The following C16orf96 variants were observed in gnomAD, a reference collection of about 807,000 sequenced individuals.
C16orf96 encodes the protein chromosome 16 open reading frame 96.
A neutral mutation model predicts 103.6 loss-of-function variants in C16orf96; 108 were observed. The ratio of observed to expected loss-of-function variants is 1.04; its 90% CI spans 0.89 to 1.22. The LOEUF (loss-of-function observed/expected upper bound fraction) is 1.22. C16orf96 is among the 50% of genes most tolerant of loss of function. C16orf96 has a pLI of 0.00. For missense variants in C16orf96, 1,586 were observed against 1,464.2 expected (o/e 1.08, Z -1.36); for synonymous variants, 566 against 593.5 (o/e 0.95, Z 0.67).
At position 4,600,293 on chromosome 16, in the gene C16orf96, C is replaced by T. The variant is rs1350800252; in HGVS notation, c.3402C>T (p.Pro1134=). Residue 1134 remains proline, a synonymous_variant, in exon 16 of 16, where the codon CCC becomes CCT. Coordinates refer to ENST00000444310, the MANE Select transcript of C16orf96 (RefSeq NM_001145011.2). ...PHIESRVGRK[P]PEEPANP ...TTGAGTCCCGAGTCGGCAGGAAGCC[C>T]CCCGAGGAGCCCGCCAACCCGTGAG... 5 of 1,550,266 alleles carry T rather than the reference C, an allele frequency of 3.2e-6. No individual in the cohort carries two copies. The highest frequency in any genetic ancestry group is 4.4e-6 in the Non-Finnish European group (5 of 1,146,830).
intron 1 of C16orf96, 122 bp from the exon 2 acceptor site, chr16:4,571,439 C>G: frequency 1.3e-6 from 1 of 757,180 alleles, no homozygotes; most frequent in Non-Finnish European, 2.1e-6. Context: ...AGGTTCCAGT[C>G]TAGGCCTTGG....
chr16:4,575,621 C>A lies in C16orf96; in HGVS notation c.1141C>A (p.Pro381Thr). The change falls in exon 5 of 16, where the codon CCA becomes ACA. Residue 381 changes from proline (P) to threonine (T), a missense_variant. By Grantham distance (38) the Pro-to-Thr change is conservative. Transcript: ENST00000444310. The part of the protein sequence containing the change: ...GPVPAPGAQP[P>T]PLGDWPALPR... ...TGTGCCTGCCCCAGGTGCCCAGCCT[C>A]CACCACTGGGAGACTGGCCTGCACT... 3.9e-6 allele frequency: 6 copies of A among 1,521,574 alleles called. No homozygotes were observed. The highest frequency in any genetic ancestry group is 2.1e-5 in the Admixed American group (1 of 46,612). The allele number at this position is 1,521,574 out of a possible 1,614,324, so 94.3% of individuals were successfully genotyped here.
At chr16:4,591,617 T>G (rs778927022) in intron 9 of C16orf96, 49 bp from the exon 10 acceptor site, 12 of 1,421,348 alleles carry the variant, frequency 8.4e-6, no homozygotes, top group Non-Finnish European at 1.2e-5. Context: ...GGAGGCAGGG[T>G]GTGAATTCAT....
At chr16:4,561,470 C>CA (rs2059330518) in intron 1 of C16orf96, 1 of 152,150 alleles carries the variant, frequency 6.6e-6, no homozygotes, top group South Asian at 2.1e-4. Flanking sequence ...GCAGGATGGG[C>CA]AGATACCAGG....
intron 14 of C16orf96, among the ~76,000 whole-genome samples, chr16:4,598,207 C>T (rs1394909654): frequency 6.6e-6 from 1 of 152,030 alleles, no homozygotes; most frequent in African/African-American, 2.4e-5. Flanking sequence ...CAAAAATTAG[C>T]AGGGCATAGT....
chr16:4,556,836 G>A lies in C16orf96; in HGVS notation c.347G>A (p.Arg116Gln), dbSNP rs957895330. 2.4e-5 allele frequency: 38 copies of A among 1,551,470 alleles called. No homozygotes were observed. Among genetic ancestry groups the A allele is most frequent in the Middle Eastern group, 1.7e-4 (1 of 6,014 alleles). ...QLLEASQGTARPVQDLWHLIK... is the reference protein window; with the variant it reads ...QLLEASQGTAQPVQDLWHLIK... Reference sequence around the variant, plus strand: ...CTGGAAGCCAGCCAGGGCACTGCCCGGCCCGTCCAGGACCTGTGGCATCTG... The same window carrying A: ...CTGGAAGCCAGCCAGGGCACTGCCCAGCCCGTCCAGGACCTGTGGCATCTG... The change falls in exon 1 of 16, where the codon CGG becomes CAG. Residue 116 changes from arginine to glutamine, a missense_variant. Coordinates refer to ENST00000444310, the MANE Select transcript of C16orf96 (RefSeq NM_001145011.2).
At chr16:4,550,022 A>G in the C16orf96 span, among the ~76,000 whole-genome samples, 3 of 151,718 alleles carry the variant, frequency 2.0e-5, no homozygotes, top group Non-Finnish European at 4.4e-5. Context: ...AAATGAACTC[A>G]TGTACTCACT....
chr16:4,547,877 C>A, the C16orf96 span, among the ~76,000 whole-genome samples: 6 of 145,882 alleles, frequency 4.1e-5, no homozygotes, highest in Admixed American at 4.1e-4. Context: ...AAGCTGTCTT[C>A]AGTCCTCCTT....
At chr16:4,586,933 G>T in intron 7 of C16orf96, 106 bp from the exon 8 acceptor site, 1 of 1,016,328 alleles carries the variant, frequency 9.8e-7, no homozygotes, top group South Asian at 1.5e-5. Context: ...CTGTCCACAC[G>T]GCCTGCTATC....
chr16:4,590,675 G>A (rs1010705628), intron 9 of C16orf96, among the ~76,000 whole-genome samples: 1 of 151,776 alleles, frequency 6.6e-6, no homozygotes, highest in African/African-American at 2.4e-5. Context: ...ATGAAGTCAG[G>A]AGTTTGAGAC....
intron 8 of C16orf96, 85 bp from the exon 9 acceptor site, chr16:4,588,082 A>G (rs1048107690): frequency 1.3e-5 from 18 of 1,387,968 alleles, no homozygotes; most frequent in Non-Finnish European, 1.5e-5. Context: ...AACTAGAAGC[A>G]TCAGACCCAA....
rs1470267261 is a variant in C16orf96, at chr16:4,599,306, G to A, written c.3150G>A (p.Pro1050=). Reference sequence around the variant, plus strand: ...AAGCTGTGAAGGCTCCATCTCCCCCGTCACAAAGCCTGTATGACCGTGTGC... The same window carrying A: ...AAGCTGTGAAGGCTCCATCTCCCCCATCACAAAGCCTGTATGACCGTGTGC... ...ELAAVKAPSP[P]SQSLYDRVHS... Residue 1050 remains proline (P), a synonymous_variant, in exon 15 of 16, where the codon CCG becomes CCA. Coordinates refer to ENST00000444310, the MANE Select transcript of C16orf96 (RefSeq NM_001145011.2). 18 of 1,551,430 alleles carry A rather than the reference G, an allele frequency of 1.2e-5. No individual in the cohort carries two copies. In the East Asian group the frequency reaches 3.7e-4, roughly 32 times the overall value.
In C16orf96 at chr16:4,593,417, G is replaced by C; in HGVS notation, c.2867+101G>C. On this transcript the variant is annotated intron_variant, in intron 12 of 15. Coordinates refer to ENST00000444310, the MANE Select transcript of C16orf96 (RefSeq NM_001145011.2). This position sits in a 1 kb window ranked among gnomAD's most constrained non-coding sequence, Gnocchi z 4.2. ...CAGAGACACATCCTCCAGGCCCAGG[G>C]ACCTAAGATTGTCCTGGACATGGCC... 2 of 1,173,068 alleles carry C rather than the reference G, an allele frequency of 1.7e-6. No individual in the cohort carries two copies. Among genetic ancestry groups the C allele is most frequent in the Non-Finnish European group, 2.4e-6 (2 of 822,600 alleles). 72.7% of individuals were successfully genotyped at this position (1,173,068 alleles called of 1,614,324 possible).
chr16:4,576,720 G>T, intron 5 of C16orf96, 85 bp downstream of exon 5: 1 of 1,315,276 alleles, frequency 7.6e-7, no homozygotes, highest in Non-Finnish European at 1.0e-6. Context: ...TCCTTCACTG[G>T]GCTCCACCAA....
chr16:4,580,182 G>A, intron 7 of C16orf96, 57 bp downstream of exon 7: 1 of 1,352,044 alleles, frequency 7.4e-7, no homozygotes, highest in Non-Finnish European at 9.9e-7. Context: ...TCCTCACCTA[G>A]ACCTTCTGGC....
At chr16:4,584,862 G>T (rs1351329173) in intron 7 of C16orf96, among the ~76,000 whole-genome samples, 1 of 151,856 alleles carries the variant, frequency 6.6e-6, no homozygotes, top group Non-Finnish European at 1.5e-5. Flanking sequence ...GTAGAGATGG[G>T]GTTTCACCAT....
At chr16:4,594,830 A>C in intron 14 of C16orf96, 27 bp downstream of exon 14, 1 of 1,546,080 alleles carries the variant, frequency 6.5e-7, no homozygotes, top group Non-Finnish European at 8.7e-7. Flanking sequence ...TCCCTGGGGC[A>C]CCCTTGCCTG....
chr16:4,576,460 T>TA lies in C16orf96; in HGVS notation c.1980_1981insA (p.Pro661ThrfsTer17), dbSNP rs1567447131. ...ACTCTGCTGCCAGCATCGGTCCCGA[T>TA]CCAGCCCTGTCCCAGGCCATGGTGG... On this transcript the variant is annotated frameshift_variant, in exon 5 of 16. Transcript: ENST00000444310. LOFTEE classifies it high-confidence loss of function. 4 of 1,551,276 alleles carry TA rather than the reference T, an allele frequency of 2.6e-6. No homozygotes were observed. The East Asian group carries it at 7.3e-5, about 28-fold the overall frequency.
At chr16:4,592,477 A>G (rs1472584984) in intron 11 of C16orf96, 110 bp downstream of exon 11, 12 of 1,239,108 alleles carry the variant, frequency 9.7e-6, no homozygotes, top group Non-Finnish European at 1.4e-5. Context: ...GTGTCTACAC[A>G]TCCATATACA....
Sources: allele counts gnomAD v4.1 joint callset (sites outside exome capture counted in the v4.1 genomes callset), GRCh38; gene constraint gnomAD v4.1.1; non-coding constraint Gnocchi (gnomAD v3.1); transcripts MANE v1.5; gene names NCBI Gene and HGNC (gene_info 2026-07-23, HGNC 2026-07-21).